The following TDRD9 variants were observed in gnomAD, a reference collection of about 807,000 sequenced individuals.
TDRD9 encodes tudor domain containing 9, also known as ATP-dependent RNA helicase TDRD9.
Under a neutral mutation model 172.6 loss-of-function variants are expected in TDRD9, and 124 were observed. The ratio of observed to expected loss-of-function variants is 0.72; its 90% confidence interval spans 0.62 to 0.83. The LOEUF (loss-of-function observed/expected upper bound fraction) is 0.83, where lower values mean the gene tolerates loss of function less well. TDRD9 is among the 40% of genes least tolerant of loss of function. The pLI, the probability that TDRD9 is intolerant of heterozygous loss-of-function variation, is 0.00. For synonymous variants in TDRD9, 619 were observed against 617.1 expected (o/e 1.00, Z -0.05); for missense variants, 1,479 against 1,714.1 (o/e 0.86, Z 2.42).
chr14:103,967,826 T>TA (rs1434435120), intron 5 of TDRD9, among the ~76,000 whole-genome samples: 1 of 152,206 alleles, frequency 6.6e-6, no homozygotes, highest in Non-Finnish European at 1.5e-5. Flanking sequence ...TTATAGTAGG[T>TA]AGAGACAAAT....
At chr14:103,961,017 T>A (rs894448612) in intron 2 of TDRD9, among the ~76,000 whole-genome samples, 5 of 152,158 alleles carry the variant, frequency 3.3e-5, no homozygotes, top group African/African-American at 7.2e-5. Context: ...TGTTCCTCAC[T>A]AGAATACTTG....
chr14:104,015,893 C>T (rs756610569), intron 21 of TDRD9, 88 bp from the exon 22 acceptor site: 143 of 867,184 alleles, frequency 1.6e-4, no homozygotes, highest in Non-Finnish European at 2.3e-4. Context: ...TTATGGATGT[C>T]ATATCATGCT....
chr14:104,008,758 G>A (rs1265102337), intron 20 of TDRD9, among the ~76,000 whole-genome samples: 2 of 152,136 alleles, frequency 1.3e-5, no homozygotes, highest in Non-Finnish European at 2.9e-5. Context: ...GTATATGTCA[G>A]GATAAAGAGA....
chr14:103,971,191 G>T (rs1167477411), intron 6 of TDRD9, among the ~76,000 whole-genome samples: 1 of 151,524 alleles, frequency 6.6e-6, no homozygotes, highest in Non-Finnish European at 1.5e-5. Context: ...CATCGTGTTA[G>T]CCAGGATGGT....
chr14:104,026,620 G>A, intron 27 of TDRD9, 59 bp from the exon 28 acceptor site: 1 of 1,576,292 alleles, frequency 6.3e-7, no homozygotes, highest in Non-Finnish European at 8.7e-7. Context: ...AGTGGTATTT[G>A]GGATGAGTGT....
chr14:103,969,057 G>A (rs1347157315), intron 5 of TDRD9, among the ~76,000 whole-genome samples: 5 of 147,630 alleles, frequency 3.4e-5, no homozygotes, highest in Non-Finnish European at 5.9e-5. Flanking sequence ...CGGAGATCGC[G>A]TCACTGCACT....
At chr14:103,972,061 G>A (rs573407884) in intron 6 of TDRD9, among the ~76,000 whole-genome samples, 2 of 152,194 alleles carry the variant, frequency 1.3e-5, no homozygotes, top group South Asian at 2.1e-4. Context: ...GGAGGCTGAC[G>A]GAGGATTGCT....
At chr14:103,955,833 A>G in intron 2 of TDRD9, 63 bp downstream of exon 2, 3 of 1,359,044 alleles carry the variant, frequency 2.2e-6, no homozygotes, top group South Asian at 1.3e-5. Context: ...CTAAAATATT[A>G]GGTTCATAGT....
intron 8 of TDRD9, among the ~76,000 whole-genome samples, chr14:103,986,888 G>A (rs907798508): frequency 1.4e-4 from 21 of 152,204 alleles, no homozygotes; most frequent in Non-Finnish European, 2.1e-4. Context: ...GGCCGAGGTC[G>A]GGGGATCACA....
In TDRD9 at chr14:104,049,691, C is replaced by G; in HGVS notation, c.4047+11C>G. The G allele has an allele frequency of 6.4e-7, 1 of 1,570,472 alleles. No individual in the cohort carries two copies. ...TACGAGTGGAATCAGGTGAGTGGGA[C>G]GCAGGCTGCTACATGAGCAGAGGCC... On this transcript the variant is annotated intron_variant, in intron 35 of 35. Transcript: ENST00000409874.
In TDRD9 at chr14:103,970,318, C is replaced by T. The variant is rs558928198; in HGVS notation, c.766-223C>T. 2.6e-5 allele frequency among the ~76,000 whole-genome samples: 4 copies of T among 152,238 alleles called. No homozygotes were observed. The South Asian group carries it at 6.2e-4, about 24-fold the overall frequency. Reference sequence around the variant, plus strand: ...TTACTCTGCCGTCTCTCAGGGGGCCCTAAGGAGAAACACTGGGGGCCGTGA... The same window carrying T: ...TTACTCTGCCGTCTCTCAGGGGGCCTTAAGGAGAAACACTGGGGGCCGTGA... On this transcript the variant is annotated intron_variant, in intron 5 of 35. Coordinates refer to ENST00000409874, the MANE Select transcript of TDRD9 (RefSeq NM_153046.3).
Position 103,941,664 on chromosome 14 carries a change from T to C in TDRD9, c.215+12940T>C, listed in dbSNP as rs188293294. 72 of 1,527,100 alleles carry C rather than the reference T, an allele frequency of 4.7e-5. 1 individual carries two copies. In the Admixed American group the frequency reaches 1.2e-3, roughly 24 times the overall value. 94.6% of individuals were successfully genotyped at this position (1,527,100 alleles called of 1,614,324 possible). A position where few individuals can be genotyped will look rare whatever the true frequency, so the allele number is the denominator to read the frequency against. On this transcript the variant is annotated intron_variant, in intron 1 of 35. Coordinates refer to ENST00000409874, the MANE Select transcript of TDRD9 (RefSeq NM_153046.3). Reference sequence around the variant, plus strand: ...GTGTGTGGGTTTGTAGGAATCGTTTTTGGGCCATTTCATCCAGCCAAAAAG... The same window carrying C: ...GTGTGTGGGTTTGTAGGAATCGTTTCTGGGCCATTTCATCCAGCCAAAAAG...
chr14:104,002,332 A>AG (rs1405482772), intron 13 of TDRD9, among the ~76,000 whole-genome samples: 3 of 151,638 alleles, frequency 2.0e-5, no homozygotes, highest in Non-Finnish European at 2.9e-5. Context: ...AAAAAAAAAA[A>AG]AAAAAGAAAA....
chr14:104,028,453 C>G (rs1227500448), intron 28 of TDRD9, among the ~76,000 whole-genome samples: 2 of 152,104 alleles, frequency 1.3e-5, no homozygotes, highest in Non-Finnish European at 2.9e-5. Flanking sequence ...TGATGTTGAT[C>G]ATTTTTCATA....
intron 20 of TDRD9, among the ~76,000 whole-genome samples, chr14:104,009,110 G>A (rs2034532554): frequency 6.6e-6 from 1 of 152,172 alleles, no homozygotes; most frequent in Non-Finnish European, 1.5e-5. Flanking sequence ...TGTAGCCTAT[G>A]GCTTCTAGGC....
At chr14:103,972,495 G>A (rs1404607377) in intron 6 of TDRD9, among the ~76,000 whole-genome samples, 1 of 152,202 alleles carries the variant, frequency 6.6e-6, no homozygotes, top group Non-Finnish European at 1.5e-5. Flanking sequence ...CAAAAAGGAA[G>A]AAGGTGTGAA....
At chr14:103,940,666 G>T in intron 1 of TDRD9, 1 of 586,556 alleles carries the variant, frequency 1.7e-6, no homozygotes. Context: ...GTTAAAAAAA[G>T]AACACTATTT....
chr14:103,981,328 G>A (rs1448643087), intron 7 of TDRD9, among the ~76,000 whole-genome samples: 3 of 152,192 alleles, frequency 2.0e-5, no homozygotes, highest in African/African-American at 4.8e-5. Context: ...ACAACACTTA[G>A]ATGCTTCCTT....
At chr14:103,928,809 G>A (rs2030153683) in intron 1 of TDRD9, 85 bp downstream of exon 1, 2 of 393,830 alleles carry the variant, frequency 5.1e-6, no homozygotes, top group East Asian at 1.1e-4. Context: ...GATCCTTCTC[G>A]CGAGCCCGTG....
Sources: allele counts gnomAD v4.1 joint callset (sites outside exome capture counted in the v4.1 genomes callset), GRCh38; gene constraint gnomAD v4.1.1; transcripts MANE v1.5; gene names NCBI Gene and HGNC (gene_info 2026-07-23, HGNC 2026-07-21).